Variants in ALK observed in about 807,000 individuals in gnomAD.
The protein encoded by ALK is ALK tyrosine kinase receptor.
In ALK, 74 loss-of-function variants were observed where a neutral mutation model predicts 163.1. The observed-to-expected ratio is 0.45, with a 90% confidence interval of 0.38 to 0.55. The LOEUF is 0.55. Among genes scored for constraint, ALK ranks in the 20% least tolerant of loss-of-function variants. ALK has a pLI of 0.00. For missense variants in ALK, 2,063 were observed against 2,105.3 expected, an observed-to-expected ratio of 0.98 and a Z score of 0.39; for synonymous variants, 960 against 843.2, an observed-to-expected ratio of 1.14 and a Z score of -2.40.
chr2:29,702,932 AG>A (rs1476188129), intron 2 of ALK, among the ~76,000 whole-genome samples: 1 of 152,266 alleles, frequency 6.6e-6, no homozygotes, highest in African/African-American at 2.4e-5. Flanking sequence ...GTGGGAACAC[AG>A]CCAAGCCATA....
chr2:29,323,921 A>G (rs1280668157), intron 6 of ALK, among the ~76,000 whole-genome samples: 1 of 152,198 alleles, frequency 6.6e-6, no homozygotes, highest in African/African-American at 2.4e-5. Context: ...CTAACTCTTT[A>G]CCACTCAAAA....
chr2:29,370,093 T>A (rs905682421), intron 5 of ALK, among the ~76,000 whole-genome samples: 14 of 152,218 alleles, frequency 9.2e-5, no homozygotes, highest in African/African-American at 3.4e-4. Flanking sequence ...CCTGTGATGG[T>A]AAGACAAGGA....
chr2:29,309,184 T>A (rs1324087498), intron 8 of ALK, among the ~76,000 whole-genome samples: 2 of 152,164 alleles, frequency 1.3e-5, no homozygotes, highest in African/African-American at 4.8e-5. Flanking sequence ...CAGGAGCATC[T>A]GCAGGGGGCC....
In ALK at chr2:29,197,691, G is replaced by A. The variant is rs2148143717; in HGVS notation, c.3939-15C>T. ...CTCCAAAGGACCTGGGCATGGGACA[G>A]AGGACATGGAGATGGATATAGACAC... On this transcript the variant is annotated splice_polypyrimidine_tract_variant and intron_variant, in intron 26 of 28. Coordinates refer to ENST00000389048, the MANE Select transcript of ALK (RefSeq NM_004304.5). The A allele has an allele frequency of 1.2e-6, 2 of 1,609,740 alleles. No individual in the cohort carries two copies. The highest frequency in any genetic ancestry group is 1.7e-6 in the Non-Finnish European group (2 of 1,176,382).
chr2:29,722,501 CA>C (rs1182834174), intron 1 of ALK, among the ~76,000 whole-genome samples: 1 of 152,210 alleles, frequency 6.6e-6, no homozygotes, highest in African/African-American at 2.4e-5. Context: ...GAAAACCATA[CA>C]GTGAATTTCT....
chr2:29,432,737 CTT>C (rs796207262), intron 4 of ALK, among the ~76,000 whole-genome samples: 119 of 140,650 alleles, frequency 8.5e-4, no homozygotes, highest in African/African-American at 1.2e-3. Context: ...TAGCCTTTTC[CTT>C]TTTTTTTTTT....
At chr2:29,843,824 C>G (rs752653727) in intron 1 of ALK, among the ~76,000 whole-genome samples, 2 of 152,192 alleles carry the variant, frequency 1.3e-5, no homozygotes, top group Non-Finnish European at 2.9e-5. Context: ...AATGATCATA[C>G]TCTCACCCTA....
At position 29,225,518 on chromosome 2, in the gene ALK, CAGAG is replaced by C. The variant is rs750796687; in HGVS notation, c.3111_3114del (p.Ser1038TrpfsTer2). 7.4e-6 allele frequency: 12 copies of C among 1,613,420 alleles called. No homozygotes were observed. Among genetic ancestry groups the C allele is most frequent in the Non-Finnish European group, 1.0e-5 (12 of 1,179,978 alleles). ...GCGGCCACGAGGGCAGAGGTCACCA[CAGAG>C]AGGATCAGCGAGAGTGGCAGGTGTG... On this transcript the variant is annotated frameshift_variant, in exon 19 of 29. Coordinates refer to ENST00000389048, the MANE Select transcript of ALK (RefSeq NM_004304.5). LOFTEE classifies it high-confidence loss of function.
At chr2:29,690,409 A>T (rs1678360233) in intron 3 of ALK, among the ~76,000 whole-genome samples, 1 of 152,178 alleles carries the variant, frequency 6.6e-6, no homozygotes, top group African/African-American at 2.4e-5. Flanking sequence ...GCGTGTGCCC[A>T]TGAGTGAGGC....
intron 1 of ALK, among the ~76,000 whole-genome samples, chr2:29,721,686 G>C (rs1679426981): frequency 6.6e-6 from 1 of 152,194 alleles, no homozygotes; most frequent in Non-Finnish European, 1.5e-5. Context: ...TCTTCACTTA[G>C]GTGCTAGTCT....
At chr2:29,243,619 G>T (rs935386303) in intron 12 of ALK, among the ~76,000 whole-genome samples, 20 of 152,194 alleles carry the variant, frequency 1.3e-4, no homozygotes, top group Non-Finnish European at 2.5e-4. Context: ...AGGCTGTTCA[G>T]TTTCACCCAG....
intron 1 of ALK, among the ~76,000 whole-genome samples, chr2:29,775,468 C>T (rs569005726): frequency 1.1e-4 from 17 of 152,070 alleles, no homozygotes; most frequent in Admixed American, 6.5e-4. Context: ...GATGTTATAC[C>T]CCAAAGCTTT....
At chr2:29,848,106 C>T (rs1340455628) in intron 1 of ALK, among the ~76,000 whole-genome samples, 2 of 152,048 alleles carry the variant, frequency 1.3e-5, no homozygotes, top group Non-Finnish European at 2.9e-5. Context: ...CTGCCAGGGT[C>T]CCTGGGGGAT....
chr2:29,223,266 G>C (rs2148170373), intron 20 of ALK, 76 bp downstream of exon 20: 1 of 1,528,542 alleles, frequency 6.5e-7, no homozygotes, highest in Non-Finnish European at 9.0e-7. Flanking sequence ...GTGGCTAGAG[G>C]AGTCTGCGGT....
At chr2:29,682,452 T>C (rs1380537159) in intron 3 of ALK, among the ~76,000 whole-genome samples, 1 of 152,162 alleles carries the variant, frequency 6.6e-6, no homozygotes, top group Non-Finnish European at 1.5e-5. Flanking sequence ...TGTTTAGAGC[T>C]TGGACATGGG....
At chr2:29,350,174 A>G (rs879691063) in intron 5 of ALK, among the ~76,000 whole-genome samples, 1 of 152,216 alleles carries the variant, frequency 6.6e-6, no homozygotes, top group Admixed American at 6.5e-5. Context: ...GGTTTCTGGG[A>G]TTAGAACTAT....
At chr2:29,391,974 G>T (rs1669185916) in intron 4 of ALK, among the ~76,000 whole-genome samples, 1 of 152,202 alleles carries the variant, frequency 6.6e-6, no homozygotes, top group Non-Finnish European at 1.5e-5. Flanking sequence ...GATCACATGG[G>T]TTGAGATATG....
intron 5 of ALK, among the ~76,000 whole-genome samples, chr2:29,368,537 T>G (rs1436736891): frequency 6.6e-6 from 1 of 152,210 alleles, no homozygotes; most frequent in African/African-American, 2.4e-5. Flanking sequence ...AAGTAGGGCT[T>G]CTTGTTGCAA....
At chr2:29,895,896 C>G (rs1216053872) in intron 1 of ALK, among the ~76,000 whole-genome samples, 1 of 152,174 alleles carries the variant, frequency 6.6e-6, no homozygotes, top group Non-Finnish European at 1.5e-5. Flanking sequence ...GGGTAGGCTA[C>G]AGGTTATGGG....
Sources: gnomAD v4.1 joint callset for allele counts (sites outside exome capture counted in the v4.1 genomes callset) on GRCh38, gnomAD v4.1.1 for gene constraint, MANE v1.5 for transcripts, NCBI Gene and HGNC (gene_info 2026-07-23, HGNC 2026-07-21) for gene names.